Variants in PCDH11X observed in about 807,000 individuals in gnomAD.
PCDH11X encodes the protein protocadherin 11 X-linked.
A neutral mutation model predicts 53.3 loss-of-function variants in PCDH11X; 18 were observed. That is an observed-to-expected ratio of 0.34 (90% CI 0.23 to 0.50). PCDH11X has a LOEUF of 0.50. PCDH11X is among the 20% of genes least tolerant of loss of function. The probability of loss-of-function intolerance (pLI) is 0.98; values close to 1 mark genes in which losing one functional copy is unlikely to be tolerated. For missense variants in PCDH11X, 570 were observed against 1,032.4 expected (o/e 0.55, Z 6.14); for synonymous variants, 279 against 393.3 (o/e 0.71, Z 3.44).
chrX:92,221,437 A>T (rs1266558385), intron 7 of PCDH11X, among the ~76,000 whole-genome samples: 2 of 110,108 alleles, frequency 1.8e-5, no homozygotes, highest in Non-Finnish European at 3.8e-5. Context: ...GTATCTATAG[A>T]GGAAGGCTAG....
At chrX:92,509,336 ACAAT>A (rs2074122708) in intron 10 of PCDH11X, among the ~76,000 whole-genome samples, 1 of 110,774 alleles carries the variant, frequency 9.0e-6, no homozygotes, top group African/African-American at 3.3e-5. Context: ...TTTAAATCCT[ACAAT>A]GATTGACACT....
chrX:92,179,435 A>T (rs970054765), intron 6 of PCDH11X, among the ~76,000 whole-genome samples: 1 of 111,879 alleles, frequency 8.9e-6, no homozygotes, highest in Non-Finnish European at 1.9e-5. Flanking sequence ...ATTTTAACCC[A>T]TTTGAATTTC....
At chrX:91,940,287 A>G (rs928874484) in intron 6 of PCDH11X, among the ~76,000 whole-genome samples, 28 of 111,442 alleles carry the variant, frequency 2.5e-4, no homozygotes, top group Non-Finnish European at 4.5e-4. Context: ...CCAATTAAAG[A>G]TCTTCTTTTC....
intron 6 of PCDH11X, among the ~76,000 whole-genome samples, chrX:92,092,234 C>T (rs1158792897): frequency 8.1e-5 from 9 of 111,332 alleles, no homozygotes; most frequent in African/African-American, 2.9e-4. Context: ...CCCAATATCT[C>T]AGCAGGCAAG....
chrX:92,348,180 C>G (rs1354175201), intron 8 of PCDH11X, among the ~76,000 whole-genome samples: 1 of 111,794 alleles, frequency 8.9e-6, no homozygotes, highest in Non-Finnish European at 1.9e-5. Context: ...ATTGAATCAG[C>G]TTTGTTATTT....
chrX:92,188,107 A>T (rs1415230774), intron 6 of PCDH11X, among the ~76,000 whole-genome samples: 2 of 111,599 alleles, frequency 1.8e-5, no homozygotes, highest in Non-Finnish European at 3.8e-5. Context: ...TATGTGGCAG[A>T]GGTCAAAAAA....
At chrX:92,147,855 T>TTTCTTTCTTTC (rs1569388372) in intron 6 of PCDH11X, among the ~76,000 whole-genome samples, 9 of 22,373 alleles carry the variant, frequency 4.0e-4, no homozygotes, top group South Asian at 3.1e-3. Context: ...TTCTTTCTTT[T>TTTCTTTCTTTC]TTCTTTTCTC....
chrX:92,388,132 C>T (rs759147246), intron 9 of PCDH11X, among the ~76,000 whole-genome samples, 199 bp downstream of exon 9: 15 of 110,940 alleles, frequency 1.4e-4, no homozygotes, highest in South Asian at 1.1e-3. Context: ...ATCATAACTA[C>T]GCTGAATGAA....
intron 8 of PCDH11X, among the ~76,000 whole-genome samples, chrX:92,365,597 T>C (rs1219702126): frequency 1.8e-5 from 2 of 111,549 alleles, no homozygotes; most frequent in East Asian, 2.8e-4. Context: ...CATTGTGCTA[T>C]GATGTTACAA....
chrX:92,069,145 T>A (rs1057430944), intron 6 of PCDH11X, among the ~76,000 whole-genome samples: 2 of 110,919 alleles, frequency 1.8e-5, no homozygotes, highest in Admixed American at 1.9e-4. Context: ...TTTACATGTC[T>A]TGGTGTGCCA....
intron 10 of PCDH11X, among the ~76,000 whole-genome samples, chrX:92,490,890 A>C (rs1411432760): frequency 1.8e-5 from 2 of 109,541 alleles, no homozygotes; most frequent in Non-Finnish European, 1.9e-5. Context: ...TGGAAGAACA[A>C]TTAATGACAA....
chrX:91,904,572 AGAG>A (rs907252143), intron 6 of PCDH11X, among the ~76,000 whole-genome samples: 5 of 111,413 alleles, frequency 4.5e-5, no homozygotes, highest in African/African-American at 1.3e-4. Context: ...AAGATATAAT[AGAG>A]AAGAAAAATA....
chrX:91,919,600 G>A (rs1941680184), intron 6 of PCDH11X, among the ~76,000 whole-genome samples: 1 of 110,969 alleles, frequency 9.0e-6, no homozygotes, highest in South Asian at 3.8e-4. Context: ...CCACAGCCAG[G>A]ACATAAAGAG....
intron 6 of PCDH11X, among the ~76,000 whole-genome samples, chrX:92,031,131 C>T (rs1193185371): frequency 9.0e-6 from 1 of 111,508 alleles, no homozygotes; most frequent in Non-Finnish European, 1.9e-5. Context: ...CTATACTCCA[C>T]ATCCTAACCA....
Position 91,880,045 on chromosome X carries a change from A to G in PCDH11X, c.3033+772A>G, listed in dbSNP as rs2563391. 12,209 of 527,753 alleles carry G rather than the reference A, an allele frequency of 0.023. 1,865 individuals are homozygous for G. In the African/African-American group the frequency reaches 0.34, roughly 15 times the overall value. The allele number at this position is 527,753 out of a possible 1,213,427, so 43.5% of individuals were successfully genotyped here. On this transcript the variant is annotated intron_variant, in intron 6 of 10. Transcript: ENST00000682573. ...AAATAAAATGTTTGCTTTCTCTAATAGGCACAAAGAAAACTGTGGGCATGT... is the reference window on the plus strand; with the variant it reads ...AAATAAAATGTTTGCTTTCTCTAATGGGCACAAAGAAAACTGTGGGCATGT...
chrX:92,223,423 T>C (rs2066915837), intron 7 of PCDH11X, among the ~76,000 whole-genome samples: 1 of 111,920 alleles, frequency 8.9e-6, no homozygotes, highest in Non-Finnish European at 1.9e-5. Flanking sequence ...GCCTATGTCA[T>C]ATTCCCCCAG....
chrX:92,015,552 C>T (rs1210926934), intron 6 of PCDH11X, among the ~76,000 whole-genome samples: 1 of 112,430 alleles, frequency 8.9e-6, no homozygotes, highest in Non-Finnish European at 1.9e-5. Context: ...ACAATGTTCA[C>T]CGCATCTTCA....
chrX:91,969,752 G>C (rs570989521), intron 6 of PCDH11X, among the ~76,000 whole-genome samples: 3 of 105,912 alleles, frequency 2.8e-5, no homozygotes, highest in African/African-American at 1.0e-4. Flanking sequence ...AGCAGTGACT[G>C]TGCCACTGCA....
At chrX:92,373,898 A>G (rs1261535478) in intron 8 of PCDH11X, among the ~76,000 whole-genome samples, 1 of 111,476 alleles carries the variant, frequency 9.0e-6, no homozygotes, top group Admixed American at 9.6e-5. Context: ...ATTCATCTAA[A>G]TGAAATTGTA....
Sources: allele counts gnomAD v4.1 joint callset (sites outside exome capture counted in the v4.1 genomes callset), GRCh38; gene constraint gnomAD v4.1.1; transcripts MANE v1.5; gene names NCBI Gene and HGNC (gene_info 2026-07-23, HGNC 2026-07-21).